Variants in CDH23 observed in about 807,000 individuals in gnomAD.
CDH23 encodes the protein cadherin-23.
In CDH23, 189 loss-of-function variants were observed where a neutral mutation model predicts 317.1. The ratio of observed to expected loss-of-function variants is 0.60; its 90% confidence interval spans 0.53 to 0.67. The LOEUF is 0.67. Ranked by LOEUF, CDH23 falls within the 30% of genes least tolerant of loss-of-function variation. The probability of loss-of-function intolerance (pLI) is 0.00; values close to 1 mark genes in which losing one functional copy is unlikely to be tolerated. For missense variants in CDH23, 4,401 were observed against 4,592.4 expected (o/e 0.96, Z 1.20); for synonymous variants, 1,839 against 1,876.8 (o/e 0.98, Z 0.52).
At chr10:71,698,602 C>T (rs1865476397) in intron 22 of CDH23, among the ~76,000 whole-genome samples, 1 of 152,126 alleles carries the variant, frequency 6.6e-6, no homozygotes, top group African/African-American at 2.4e-5. Flanking sequence ...CAACTCTCCC[C>T]CAGCTCAGAG....
intron 9 of CDH23, among the ~76,000 whole-genome samples, chr10:71,588,714 T>C (rs1044602580): frequency 2.0e-5 from 3 of 152,210 alleles, no homozygotes; most frequent in African/African-American, 7.2e-5. Flanking sequence ...CAGAGGCACC[T>C]ACAGGATGGG....
chr10:71,425,588 T>C (rs1849040503), intron 1 of CDH23, among the ~76,000 whole-genome samples: 1 of 152,188 alleles, frequency 6.6e-6, no homozygotes, highest in African/African-American at 2.4e-5. Flanking sequence ...AGCTCCTGTG[T>C]GGGTAGGAGC....
chr10:71,590,952 C>T lies in CDH23; in HGVS notation c.832+12960C>T, dbSNP rs532153795. 6.0e-5 allele frequency among the ~76,000 whole-genome samples: 9 copies of T among 150,846 alleles called. No homozygotes were observed. The East Asian group carries it at 1.7e-3, about 29-fold the overall frequency. Reference sequence around the variant, plus strand: ...ACTGGGGAATTGGCCATTCATGACTCAGCATGTGGTTGGCAAGGTCTTAAT... The same window carrying T: ...ACTGGGGAATTGGCCATTCATGACTTAGCATGTGGTTGGCAAGGTCTTAAT... On this transcript the variant is annotated intron_variant, in intron 9 of 69. Coordinates refer to ENST00000224721, the MANE Select transcript of CDH23 (RefSeq NM_022124.6).
At chr10:71,593,642 A>T (rs1267027824) in intron 9 of CDH23, among the ~76,000 whole-genome samples, 1 of 152,236 alleles carries the variant, frequency 6.6e-6, no homozygotes, top group Non-Finnish European at 1.5e-5. Flanking sequence ...AAATAAGCAC[A>T]GGATATTCAT....
At chr10:71,762,338 G>T (rs779560742) in intron 38 of CDH23, among the ~76,000 whole-genome samples, 3 of 152,218 alleles carry the variant, frequency 2.0e-5, no homozygotes, top group Non-Finnish European at 4.4e-5. Flanking sequence ...AAAACCTGTT[G>T]GGTGGGAGGC....
chr10:71,403,384 T>TC (rs1564558033), intron 1 of CDH23, among the ~76,000 whole-genome samples: 37 of 118,622 alleles, frequency 3.1e-4, no homozygotes, highest in East Asian at 1.2e-3. Flanking sequence ...TCTTTCTTTC[T>TC]TTCTTTCTTT....
intron 24 of CDH23, among the ~76,000 whole-genome samples, chr10:71,703,435 C>T (rs1037737346): frequency 6.6e-6 from 1 of 152,366 alleles, no homozygotes; most frequent in South Asian, 2.1e-4. Flanking sequence ...CTCAGCTTCT[C>T]ATCTGTGAAA....
intron 38 of CDH23, among the ~76,000 whole-genome samples, chr10:71,757,096 C>T (rs10999985): frequency 0.082 from 12,483 of 152,280 alleles, 776 homozygotes; most frequent in East Asian, 0.29. Flanking sequence ...ACCCAGACAC[C>T]TCAGTATTTC....
intron 28 of CDH23, among the ~76,000 whole-genome samples, chr10:71,718,559 C>T (rs937910828): frequency 1.3e-5 from 2 of 152,208 alleles, no homozygotes; most frequent in Non-Finnish European, 2.9e-5. Context: ...ATGGGGTGTG[C>T]CCACCGCTCA....
intron 22 of CDH23, among the ~76,000 whole-genome samples, chr10:71,698,709 G>C (rs1865480870): frequency 6.6e-6 from 1 of 152,180 alleles, no homozygotes; most frequent in South Asian, 2.1e-4. Flanking sequence ...CTGTCTTAGA[G>C]AGGCCCTGCC....
intron 38 of CDH23, among the ~76,000 whole-genome samples, chr10:71,764,457 A>G (rs1184818323): frequency 6.6e-6 from 1 of 152,206 alleles, no homozygotes; most frequent in East Asian, 1.9e-4. Context: ...GCCTTCACAC[A>G]TATTTCATTG....
At chr10:71,610,950 A>G (rs1174987987) in intron 9 of CDH23, among the ~76,000 whole-genome samples, 3 of 150,962 alleles carry the variant, frequency 2.0e-5, no homozygotes, top group Non-Finnish European at 4.4e-5. Flanking sequence ...CCCCTACCAG[A>G]TACTCCCCGA....
intron 9 of CDH23, among the ~76,000 whole-genome samples, chr10:71,606,238 G>A (rs1860518016): frequency 2.6e-5 from 4 of 152,216 alleles, no homozygotes; most frequent in Admixed American, 1.3e-4. Flanking sequence ...TAAAATGCCT[G>A]TAAGACAAGC....
chr10:71,648,574 C>T (rs948383124), intron 14 of CDH23, among the ~76,000 whole-genome samples: 13 of 152,118 alleles, frequency 8.5e-5, no homozygotes, highest in Non-Finnish European at 7.4e-5. Flanking sequence ...CCTATAGAGC[C>T]GGGAGGAGAT....
At chr10:71,740,427 G>GTGGGACAGAGTGCA (rs1309040811) in intron 36 of CDH23, among the ~76,000 whole-genome samples, 2 of 152,116 alleles carry the variant, frequency 1.3e-5, no homozygotes, top group East Asian at 1.9e-4. Flanking sequence ...GACAGAGTGC[G>GTGGGACAGAGTGCA]TGGGACAGAG....
intron 9 of CDH23, among the ~76,000 whole-genome samples, chr10:71,610,377 C>G (rs1435290213): frequency 6.6e-6 from 1 of 152,178 alleles, no homozygotes; most frequent in Non-Finnish European, 1.5e-5. Context: ...TCTTATTTGC[C>G]TCATCCTATT....
chr10:71,760,517 C>T, intron 38 of CDH23: 1 of 206,124 alleles, frequency 4.9e-6, no homozygotes, highest in Non-Finnish European at 9.8e-6. Flanking sequence ...GCCAAGAGGA[C>T]CCCCAGCCTT....
At chr10:71,420,559 GTGA>G (rs554586449) in intron 1 of CDH23, among the ~76,000 whole-genome samples, 2,957 of 139,378 alleles carry the variant, frequency 0.021, 37 homozygotes, top group Middle Eastern at 0.033. Flanking sequence ...TATGATGATG[GTGA>G]TGATGATGAT....
intron 38 of CDH23, among the ~76,000 whole-genome samples, chr10:71,762,656 G>T (rs572492384): frequency 1.4e-5 from 2 of 147,510 alleles, no homozygotes; most frequent in Admixed American, 1.4e-4. Flanking sequence ...ACAGCCTTCT[G>T]GGGACAGTCA....
Sources: gnomAD v4.1 joint callset for allele counts (sites outside exome capture counted in the v4.1 genomes callset) on GRCh38, gnomAD v4.1.1 for gene constraint, MANE v1.5 for transcripts, NCBI Gene and HGNC (gene_info 2026-07-23, HGNC 2026-07-21) for gene names.